Variants in PLEKHA7 observed in about 807,000 individuals in gnomAD.
PLEKHA7 encodes pleckstrin homology domain containing A7, also known as pleckstrin homology domain-containing family A member 7.
Under a neutral mutation model 170.0 loss-of-function variants are expected in PLEKHA7, and 104 were observed. That is an observed-to-expected ratio of 0.61 (90% CI 0.52 to 0.72). PLEKHA7 has a LOEUF of 0.72. Among genes scored for constraint, PLEKHA7 ranks in the 30% least tolerant of loss-of-function variants. The pLI, the probability that PLEKHA7 is intolerant of heterozygous loss-of-function variation, is 0.00. For missense variants in PLEKHA7, 1,615 were observed against 1,671.7 expected, an observed-to-expected ratio of 0.97 and a Z score of 0.59; for synonymous variants, 648 against 660.8, an observed-to-expected ratio of 0.98 and a Z score of 0.30.
intron 13 of PLEKHA7, chr11:16,807,116 C>T: frequency 1.0e-6 from 1 of 967,846 alleles, no homozygotes; most frequent in Non-Finnish European, 1.2e-6. Flanking sequence ...AATGACCCCG[C>T]TTGGAGACAC....
intron 3 of PLEKHA7, among the ~76,000 whole-genome samples, chr11:17,007,869 C>T (rs1865103547): frequency 6.6e-6 from 1 of 152,188 alleles, no homozygotes; most frequent in Non-Finnish European, 1.5e-5. Context: ...ACCACCACGC[C>T]CGGCCTAAAG....
chr11:16,829,370 G>T (rs1000382072), intron 9 of PLEKHA7, among the ~76,000 whole-genome samples: 1 of 152,060 alleles, frequency 6.6e-6, no homozygotes, highest in Admixed American at 6.6e-5. Context: ...ATACTGAAAG[G>T]GGTCCTGCCT....
intron 3 of PLEKHA7, among the ~76,000 whole-genome samples, chr11:16,960,426 T>A (rs1374426332): frequency 6.6e-6 from 1 of 152,134 alleles, no homozygotes; most frequent in Admixed American, 6.5e-5. Flanking sequence ...TTGCCTGAGC[T>A]CTGAGTTGGG....
In PLEKHA7 at chr11:16,817,086, T is replaced by A. The variant is rs747058495; in HGVS notation, c.1580A>T (p.Gln527Leu). Residue 527 changes from glutamine to leucine, a missense_variant, in exon 11 of 27, where the codon CAG (glutamine) becomes CTG (leucine). Physicochemically the swap from Gln to Leu is moderately radical, Grantham distance 113 (BLOSUM62 -2). Transcript: ENST00000531066. This position sits in a 1 kb window ranked among gnomAD's most constrained non-coding sequence, Gnocchi z 4.4. Reference protein sequence around the residue: ...DGTVWQLYEWQQRQQFRHGSP... With the variant: ...DGTVWQLYEWLQRQQFRHGSP... Reference sequence around the variant, plus strand: ...GCCGTGCCGGAACTGCTGGCGCTGCTGCCACTCGTAGAGCTGCCACACGGT... The same window carrying A: ...GCCGTGCCGGAACTGCTGGCGCTGCAGCCACTCGTAGAGCTGCCACACGGT... 1.2e-6 allele frequency: 2 copies of A among 1,613,580 alleles called. No individual in the cohort carries two copies. Among genetic ancestry groups the A allele is most frequent in the Admixed American group, 3.3e-5 (2 of 59,998 alleles).
intron 3 of PLEKHA7, among the ~76,000 whole-genome samples, chr11:16,898,662 C>A (rs34670733): frequency 0.015 from 2,320 of 152,240 alleles, 32 homozygotes; most frequent in South Asian, 0.046. Context: ...ATTAAGAAGG[C>A]CTTGTCCACA....
At chr11:16,947,059 C>T (rs1364360600) in intron 3 of PLEKHA7, among the ~76,000 whole-genome samples, 1 of 152,224 alleles carries the variant, frequency 6.6e-6, no homozygotes, top group East Asian at 1.9e-4. Context: ...CTGGGCCCCA[C>T]AGGACCTGGC....
intron 3 of PLEKHA7, among the ~76,000 whole-genome samples, chr11:16,956,303 G>C (rs1861699592): frequency 1.3e-5 from 2 of 152,204 alleles, no homozygotes; most frequent in South Asian, 4.1e-4. Flanking sequence ...CTAGGCTTGT[G>C]CCACCATGCC....
At chr11:16,790,760 G>C in intron 21 of PLEKHA7, 38 bp downstream of exon 21, 1 of 1,583,982 alleles carries the variant, frequency 6.3e-7, no homozygotes, top group Non-Finnish European at 8.6e-7. Context: ...CAGTGTGGTG[G>C]GATTCCCAGA....
chr11:16,887,172 C>A (rs1197682752), intron 3 of PLEKHA7, among the ~76,000 whole-genome samples: 1 of 151,994 alleles, frequency 6.6e-6, no homozygotes, highest in Non-Finnish European at 1.5e-5. Context: ...TCACAAAATA[C>A]AGTCAAAGAG....
At chr11:16,842,716 G>A (rs1344579674) in intron 8 of PLEKHA7, 1 of 151,624 alleles carries the variant, frequency 6.6e-6, no homozygotes, top group African/African-American at 2.4e-5. Flanking sequence ...ATAAACCAGA[G>A]ACCCATCTTT....
At chr11:16,992,112 G>A (rs76182537) in intron 3 of PLEKHA7, among the ~76,000 whole-genome samples, 8,340 of 152,150 alleles carry the variant, frequency 0.055, 415 homozygotes, top group East Asian at 0.15. Flanking sequence ...TGGGAGCTGC[G>A]TCTCTGCAGA....
At chr11:16,854,848 G>C (rs547043911) in intron 6 of PLEKHA7, 41 bp downstream of exon 6, 7 of 1,560,588 alleles carry the variant, frequency 4.5e-6, no homozygotes, top group African/African-American at 4.1e-5. Flanking sequence ...AACTCAGCCA[G>C]AGCCATTTCC....
At chr11:16,938,064 C>T (rs177563) in intron 3 of PLEKHA7, among the ~76,000 whole-genome samples, 134,955 of 152,212 alleles carry the variant, frequency 0.89, 59,848 homozygotes, top group South Asian at 0.92. Flanking sequence ...TGGGTTTGTC[C>T]TTTTCCTCTT....
At chr11:16,816,076 G>C in intron 12 of PLEKHA7, 102 bp downstream of exon 12, 1 of 951,466 alleles carries the variant, frequency 1.1e-6, no homozygotes, top group Admixed American at 2.0e-5. Flanking sequence ...TCTCTAATAT[G>C]GGGGTTAATA....
chr11:16,975,610 CGA>C (rs1863011786), intron 3 of PLEKHA7, among the ~76,000 whole-genome samples: 2 of 151,778 alleles, frequency 1.3e-5, no homozygotes, highest in African/African-American at 4.8e-5. Context: ...CAATGGATGC[CGA>C]GAGAGAAAAC....
chr11:16,927,893 T>C (rs1859674398), intron 3 of PLEKHA7, among the ~76,000 whole-genome samples: 1 of 152,016 alleles, frequency 6.6e-6, no homozygotes, highest in African/African-American at 2.4e-5. Context: ...ATGCTTACGA[T>C]GGAATACATA....
At chr11:16,985,603 T>C (rs1203645597) in intron 3 of PLEKHA7, among the ~76,000 whole-genome samples, 1 of 152,192 alleles carries the variant, frequency 6.6e-6, no homozygotes, top group Non-Finnish European at 1.5e-5. Context: ...GCGGAACCAC[T>C]TATCCATCCG....
At chr11:16,798,452 C>T (rs1486535475) in intron 17 of PLEKHA7, among the ~76,000 whole-genome samples, 2 of 151,152 alleles carry the variant, frequency 1.3e-5, no homozygotes, top group Non-Finnish European at 3.0e-5. Flanking sequence ...TATCTATTTG[C>T]TTTTGGGAGG....
Position 16,782,870 on chromosome 11 carries a change from C to T in PLEKHA7, c.3677G>A (p.Gly1226Asp), listed in dbSNP as rs747531506. 34 of 1,536,024 alleles carry T rather than the reference C, an allele frequency of 2.2e-5. No individual in the cohort carries two copies. The highest frequency in any genetic ancestry group is 3.0e-5 in the Non-Finnish European group (34 of 1,146,900). ...SSMCNLQPTS[G>D]QDQNSVADLD... The stretch of plus-strand genomic sequence containing the variant: ...GTCAGCCACACTGTTCTGGTCCTGG[C>T]CTGAGGTCGGCTGTAGGTTGCACAT... Residue 1226 changes from glycine (G) to aspartate (D), a missense_variant, in exon 26 of 27, where the codon GGC becomes GAC. Physicochemically the swap from Gly to Asp is moderately conservative, Grantham distance 94. Coordinates refer to ENST00000531066, the MANE Select transcript of PLEKHA7 (RefSeq NM_001329630.2).
Sources: gnomAD v4.1 joint callset for allele counts (sites outside exome capture counted in the v4.1 genomes callset) on GRCh38, gnomAD v4.1.1 for gene constraint, Gnocchi (gnomAD v3.1) non-coding constraint, MANE v1.5 for transcripts, NCBI Gene and HGNC (gene_info 2026-07-23, HGNC 2026-07-21) for gene names.